The following OTULIN variants were observed in gnomAD, a reference collection of about 807,000 sequenced individuals.
OTULIN encodes OTU deubiquitinase with linear linkage specificity.
In OTULIN, 15 loss-of-function variants were observed where a neutral mutation model predicts 39.6. The observed-to-expected ratio is 0.38, with a 90% CI of 0.25 to 0.58. The LOEUF is 0.58. OTULIN is among the 20% of genes least tolerant of loss of function. The pLI is 0.66. For synonymous variants in OTULIN, 156 were observed against 170.3 expected (o/e 0.92, Z 0.65); for missense variants, 319 against 445.9 (o/e 0.72, Z 2.56).
chr5:14,687,753 G>T lies in OTULIN; in HGVS notation c.594+107G>T, dbSNP rs907565363. ...CTCAGTGGATTTTCAAATGCTCTTG[G>T]CTGATTTTTAGGCAAAATGGTTTTA... On this transcript the variant is annotated intron_variant, in intron 5 of 6. Coordinates refer to ENST00000284274, the MANE Select transcript of OTULIN (RefSeq NM_138348.6). 9 of 1,405,036 alleles carry T rather than the reference G, an allele frequency of 6.4e-6. No individual in the cohort carries two copies. In the East Asian group the frequency reaches 2.2e-4, roughly 34 times the overall value. The allele number at this position is 1,405,036 out of a possible 1,614,324, so 87.0% of individuals were successfully genotyped here.
intron 2 of OTULIN, among the ~76,000 whole-genome samples, chr5:14,675,358 T>G (rs541584177): frequency 1.3e-5 from 2 of 152,358 alleles, no homozygotes; most frequent in Middle Eastern, 3.4e-3. Context: ...CAGTGTGGTT[T>G]TTATAATACT....
intron 6 of OTULIN, among the ~76,000 whole-genome samples, 173 bp from the exon 7 acceptor site, chr5:14,692,679 CTT>C (rs33978265): frequency 1.4e-5 from 2 of 143,228 alleles, no homozygotes. Context: ...TGATTATCTG[CTT>C]TTTTTTTTTT....
intron 4 of OTULIN, among the ~76,000 whole-genome samples, chr5:14,684,243 A>ATC (rs1259772334): frequency 6.6e-6 from 1 of 152,208 alleles, no homozygotes; most frequent in Non-Finnish European, 1.5e-5. Flanking sequence ...TAAACGTTGG[A>ATC]TCTGAATGTT....
chr5:14,678,789 G>A lies in OTULIN; in HGVS notation c.324+14G>A, dbSNP rs765427666. 1.9e-6 allele frequency: 3 copies of A among 1,544,404 alleles called. No individual in the cohort carries two copies. The Admixed American group carries it at 6.0e-5, about 31-fold the overall frequency. ...TGTATGAAAATGGTATGACACAGAG[G>A]TGCACATATTTCAGGTCTTTCAAAT... On this transcript the variant is annotated intron_variant, in intron 3 of 6. Coordinates refer to ENST00000284274, the MANE Select transcript of OTULIN (RefSeq NM_138348.6).
At chr5:14,711,025 G>T in the OTULIN span, 1 of 679,306 alleles carries the variant, frequency 1.5e-6, no homozygotes, top group Non-Finnish European at 2.7e-6. Context: ...CCCCGTCAGT[G>T]TGAGCATACC....
the OTULIN span, among the ~76,000 whole-genome samples, chr5:14,715,979 TTAGCAATACGC>T: frequency 6.6e-6 from 1 of 152,224 alleles, no homozygotes; most frequent in Non-Finnish European, 1.5e-5. Flanking sequence ...TCTCCAGGCT[TTAGCAATACGC>T]TCACTCTATT....
At chr5:14,665,668 G>T (rs1021704281) in intron 1 of OTULIN, among the ~76,000 whole-genome samples, 7 of 152,214 alleles carry the variant, frequency 4.6e-5, no homozygotes, top group African/African-American at 1.7e-4. Flanking sequence ...AATGCCCTTG[G>T]AATTTAAGAA....
intron 3 of OTULIN, 118 bp from the exon 4 acceptor site, chr5:14,681,346 T>TC (rs950156142): frequency 2.5e-6 from 3 of 1,192,602 alleles, no homozygotes; most frequent in African/African-American, 3.1e-5. Context: ...GACATAAAAC[T>TC]CCAACTTTGG....
At chr5:14,682,748 A>G (rs901203193) in intron 4 of OTULIN, among the ~76,000 whole-genome samples, 1 of 152,078 alleles carries the variant, frequency 6.6e-6, no homozygotes, top group Non-Finnish European at 1.5e-5. Flanking sequence ...TTTTTTTGAT[A>G]TTAAGCAAAA....
intron 1 of OTULIN, among the ~76,000 whole-genome samples, chr5:14,670,687 C>T (rs1447416717): frequency 6.6e-6 from 1 of 152,156 alleles, no homozygotes; most frequent in Non-Finnish European, 1.5e-5. Context: ...TCACTGCAGC[C>T]TCCAACTCCT....
intron 6 of OTULIN, 90 bp from the exon 7 acceptor site, chr5:14,692,764 G>A: frequency 8.8e-7 from 1 of 1,134,832 alleles, no homozygotes; most frequent in Non-Finnish European, 1.3e-6. Context: ...CACCATTGCT[G>A]TGCACTGTGG....
At chr5:14,700,197 T>G (rs1480052604), downstream of OTULIN, among the ~76,000 whole-genome samples, 1 of 152,078 alleles carries the variant, frequency 6.6e-6, no homozygotes, top group Non-Finnish European at 1.5e-5. Context: ...AGAAACGAGA[T>G]AGATGTAGGG....
chr5:14,679,216 A>G (rs551331428), intron 3 of OTULIN, among the ~76,000 whole-genome samples: 2 of 152,136 alleles, frequency 1.3e-5, no homozygotes, highest in Non-Finnish European at 2.9e-5. Context: ...CTCCCTACAC[A>G]GGGGAATCAG....
intron 2 of OTULIN, among the ~76,000 whole-genome samples, chr5:14,675,203 A>G (rs1579963769): frequency 2.0e-5 from 3 of 152,234 alleles, no homozygotes; most frequent in South Asian, 2.1e-4. Flanking sequence ...GCCAAAAAAA[A>G]TTGAAATCCG....
At chr5:14,678,610 C>T in intron 2 of OTULIN, 71 bp from the exon 3 acceptor site, 2 of 1,075,944 alleles carry the variant, frequency 1.9e-6, no homozygotes, top group Non-Finnish European at 2.6e-6. Flanking sequence ...AGGGTAACCC[C>T]CAACTGAAGC....
chr5:14,665,088 C>A, intron 1 of OTULIN, 111 bp downstream of exon 1: 1 of 850,718 alleles, frequency 1.2e-6, no homozygotes, highest in Non-Finnish European at 1.4e-6. Context: ...GTCTTCAATT[C>A]TGAGTGAGGC....
rs1736693737 is a variant in OTULIN at position 14,697,244 on chromosome 5, C to G, written c.*4196C>G. 6.6e-6 allele frequency: 1 copy of G among 152,310 alleles called. No homozygotes were observed. Among genetic ancestry groups the G allele is most frequent in the Admixed American group, 6.5e-5 (1 of 15,282 alleles). 9.4% of individuals were successfully genotyped at this position (152,310 alleles called of 1,614,324 possible). On this transcript the variant is annotated 3_prime_UTR_variant, in exon 7 of 7. Coordinates refer to ENST00000284274, the MANE Select transcript of OTULIN (RefSeq NM_138348.6). ...CCAGGCTGGAGTGCAGTGGTGCGAT[C>G]TCAGCTCACTGCAACTTTTGCCTCC...
chr5:14,668,544 T>C (rs1259249685), intron 1 of OTULIN, among the ~76,000 whole-genome samples: 10 of 152,210 alleles, frequency 6.6e-5, no homozygotes. Context: ...GGTGTGTTAG[T>C]GTAATATTGG....
chr5:14,708,865 G>C, the OTULIN span: 1 of 151,822 alleles, frequency 6.6e-6, no homozygotes, highest in Non-Finnish European at 1.5e-5. Flanking sequence ...GGAGGCCCTT[G>C]CTGATCCTTC....
Sources: allele counts gnomAD v4.1 joint callset (sites outside exome capture counted in the v4.1 genomes callset), GRCh38; gene constraint gnomAD v4.1.1; transcripts MANE v1.5; gene names NCBI Gene and HGNC (gene_info 2026-07-23, HGNC 2026-07-21).